NLRP1: variants seen among roughly 807,000 people sequenced by gnomAD.
NLRP1 encodes the protein NLR family pyrin domain containing 1, also known as NACHT, LRR and PYD domains-containing protein 1.
Under a neutral mutation model 136.7 loss-of-function variants are expected in NLRP1, and 94 were observed. The observed-to-expected ratio is 0.69, with a 90% confidence interval of 0.58 to 0.82. The LOEUF is 0.82. Among genes scored for constraint, NLRP1 ranks in the 40% least tolerant of loss-of-function variants. The pLI, the probability that NLRP1 is intolerant of heterozygous loss-of-function variation, is 0.00. For missense variants in NLRP1, 1,575 were observed against 1,802.7 expected (o/e 0.87, Z 2.29); for synonymous variants, 690 against 725.1 (o/e 0.95, Z 0.78).
At chr17:5,507,824 C>T (rs1206004569) in intron 15 of NLRP1, among the ~76,000 whole-genome samples, 1 of 151,876 alleles carries the variant, frequency 6.6e-6, no homozygotes, top group African/African-American at 2.4e-5. Flanking sequence ...AAGCGAGACT[C>T]CGTCTCAAAA....
downstream of NLRP1, among the ~76,000 whole-genome samples, chr17:5,510,560 T>C (rs141508432): frequency 0.055 from 8,341 of 152,172 alleles, 278 homozygotes; most frequent in African/African-American, 0.097. Flanking sequence ...AGTTTCACCA[T>C]GTTGGCCAGG....
At chr17:5,532,413 G>A (rs568290704) in intron 11 of NLRP1, among the ~76,000 whole-genome samples, 115 of 152,242 alleles carry the variant, frequency 7.6e-4, no homozygotes, top group Admixed American at 1.5e-3. Context: ...TGGAAGAAAA[G>A]GTTTTTATTT....
Position 5,533,878 on chromosome 17 carries a change from C to A in NLRP1, c.3052+19G>T, listed in dbSNP as rs527835167. 2 of 1,549,236 alleles carry A rather than the reference C, an allele frequency of 1.3e-6. No individual in the cohort carries two copies. Among genetic ancestry groups the A allele is most frequent in the Admixed American group, 1.7e-5 (1 of 59,220 alleles). On this transcript the variant is annotated intron_variant, in intron 9 of 16. Transcript: ENST00000572272. ...CCAACCCCTGTCACGATGCTCCCAG[C>A]CTTGCCCCTTCAAACTACCTGATCC... is the stretch of plus-strand genomic sequence containing the variant.
In NLRP1 at chr17:5,559,985, C is replaced by T. The variant is rs1298711805; in HGVS notation, c.711G>A (p.Val237=). Reference sequence around the variant, plus strand: ...TGTGCGCCTGTGGGGGCGTTCCTACCACCGCTGCCCATGGGGGCCTGCCTT... The same window carrying T: ...TGTGCGCCTGTGGGGGCGTTCCTACTACCGCTGCCCATGGGGGCCTGCCTT... ...SEKGRPPWAA[V]VGTPPQAHTS... is the part of the protein sequence containing the mutation. The change falls in exon 4 of 17, where the codon GTG becomes GTA. Residue 237 remains valine (V), a synonymous_variant. Transcript: ENST00000572272. 1.9e-6 allele frequency: 3 copies of T among 1,606,578 alleles called. No homozygotes were observed. The highest frequency in any genetic ancestry group is 1.7e-6 in the Non-Finnish European group (2 of 1,176,682).
chr17:5,583,753 G>C lies in NLRP1; in HGVS notation c.205C>G (p.Leu69Val). The change falls in exon 1 of 17, where the codon CTA becomes GTA. Residue 69 changes from leucine to valine, a missense_variant. Coordinates refer to ENST00000572272, the MANE Select transcript of NLRP1 (RefSeq NM_033004.4). This position sits in a 1 kb window ranked among gnomAD's most constrained non-coding sequence, Gnocchi z 4.5. The part of the protein sequence containing the change: ...AQYGEQRAWD[L>V]ALHTWEQMGL... ...ATCTGCTCCCAGGTATGGAGGGCTA[G>C]GTCCCAGGCCCGCTGCTCCCCATAC... is the stretch of plus-strand genomic sequence containing the variant. The C allele has an allele frequency of 6.4e-7, 1 of 1,552,972 alleles. No homozygotes were observed. The highest frequency in any genetic ancestry group is 8.7e-7 in the Non-Finnish European group (1 of 1,147,940).
intron 3 of NLRP1, among the ~76,000 whole-genome samples, chr17:5,561,082 G>A (rs886413055): frequency 3.3e-5 from 5 of 152,280 alleles, no homozygotes; most frequent in South Asian, 4.1e-4. Flanking sequence ...TTGAGGCAGA[G>A]TTTCTCTCTT....
intron 5 of NLRP1, among the ~76,000 whole-genome samples, chr17:5,550,449 T>C (rs35186716): frequency 0.047 from 7,184 of 152,286 alleles, 195 homozygotes; most frequent in Middle Eastern, 0.085. Flanking sequence ...GGAAGTTGGC[T>C]CATTTCATCT....
chr17:5,562,748 C>A (rs1267256821), intron 3 of NLRP1, among the ~76,000 whole-genome samples: 2 of 152,222 alleles, frequency 1.3e-5, no homozygotes, highest in Admixed American at 6.5e-5. Context: ...CACCAGTGCC[C>A]TGCCCCAGCC....
intron 3 of NLRP1, among the ~76,000 whole-genome samples, chr17:5,563,094 A>G (rs1914944147): frequency 6.6e-6 from 1 of 152,180 alleles, no homozygotes; most frequent in African/African-American, 2.4e-5. Flanking sequence ...GCTTCAAACA[A>G]GATAAAAACA....
rs201034105 is a variant in NLRP1, at chr17:5,521,627, C to T, written c.3680G>A (p.Arg1227His). Reference protein sequence around the residue: ...VLLKMIHNALRFIPVTSVVLL... With the variant: ...VLLKMIHNALHFIPVTSVVLL... The stretch of plus-strand genomic sequence containing the variant: ...CACCACAGAGGTGACGGGAATGAAG[C>T]GCAGGGCATTATGGATCATTTTCAG... The change falls in exon 13 of 17, where the codon CGC (arginine) becomes CAC (histidine). Residue 1227 changes from arginine to histidine, a missense_variant. By Grantham distance (29) the Arg-to-His change is conservative. Coordinates refer to ENST00000572272, the MANE Select transcript of NLRP1 (RefSeq NM_033004.4). The T allele has an allele frequency of 4.3e-6, 7 of 1,613,962 alleles. No homozygotes were observed. Among genetic ancestry groups the T allele is most frequent in the Admixed American group, 1.7e-5 (1 of 59,992 alleles).
At chr17:5,557,947 G>C (rs555604265) in intron 4 of NLRP1, among the ~76,000 whole-genome samples, 206 of 152,288 alleles carry the variant, frequency 1.4e-3, no homozygotes, top group African/African-American at 4.8e-3. Context: ...ATTTCTCCGA[G>C]AGAATGAATG....
In NLRP1 at chr17:5,536,883, C is replaced by T; in HGVS notation, c.2928G>A (p.Gln976=). 1 of 1,613,832 alleles carries T rather than the reference C, an allele frequency of 6.2e-7. No individual in the cohort carries two copies. The highest frequency in any genetic ancestry group is 8.5e-7 in the Non-Finnish European group (1 of 1,179,734). The change falls in exon 8 of 17, where the codon CAG becomes CAA. Residue 976 remains glutamine (Q), a synonymous_variant. Transcript: ENST00000572272. ...EMRQELRALE[Q]EKPQLLIFSR... is the part of the protein sequence containing the mutation. ...TGAAGATGAGCAGCTGAGGTTTCTC[C>T]TGCTCCAGGGCCCTCAGTTCCTGCC... is the stretch of plus-strand genomic sequence containing the variant.
downstream of NLRP1, among the ~76,000 whole-genome samples, chr17:5,509,869 A>T (rs535996960): frequency 4.6e-5 from 7 of 152,218 alleles, no homozygotes; most frequent in East Asian, 1.4e-3. Flanking sequence ...CACTTTAAAG[A>T]GAAAGAAAAC....
intron 4 of NLRP1, among the ~76,000 whole-genome samples, chr17:5,558,133 G>A (rs1006515268): frequency 2.6e-5 from 4 of 152,094 alleles, no homozygotes; most frequent in Non-Finnish European, 1.5e-5. Flanking sequence ...AAGCAAGCAG[G>A]GCCTGCCCCA....
chr17:5,556,115 TACAC>T (rs59028107), intron 4 of NLRP1, among the ~76,000 whole-genome samples: 23,201 of 118,770 alleles, frequency 0.2, 2,630 homozygotes, highest in East Asian at 0.54. Context: ...TCTCTCTCTC[TACAC>T]ACACACACAC....
At chr17:5,548,529 T>A (rs1014643819) in intron 5 of NLRP1, among the ~76,000 whole-genome samples, 1 of 152,226 alleles carries the variant, frequency 6.6e-6, no homozygotes. Flanking sequence ...CACACACATT[T>A]ACTCAGCCCA....
chr17:5,517,953 C>T, intron 14 of NLRP1, 66 bp from the exon 15 acceptor site: 1 of 1,551,822 alleles, frequency 6.4e-7, no homozygotes, highest in African/African-American at 1.4e-5. Flanking sequence ...CCCCACCTGA[C>T]ACCTTCTTGG....
intron 5 of NLRP1, among the ~76,000 whole-genome samples, chr17:5,552,616 ATCTTCC>A (rs1913521505): frequency 6.6e-6 from 1 of 152,044 alleles, no homozygotes; most frequent in Admixed American, 6.5e-5. Flanking sequence ...CATCCTTGAT[ATCTTCC>A]TCTTCCTTTT....
At position 5,572,944 on chromosome 17, in the gene NLRP1, T is replaced by C. The variant is rs566366906; in HGVS notation, c.652+8915A>G. 2.2e-4 allele frequency among the ~76,000 whole-genome samples: 33 copies of C among 152,238 alleles called. No individual in the cohort carries two copies. The South Asian group carries it at 6.8e-3, about 32-fold the overall frequency. On this transcript the variant is annotated intron_variant, in intron 3 of 16. Coordinates refer to ENST00000572272, the MANE Select transcript of NLRP1 (RefSeq NM_033004.4). ...TTCCAACTGAGGTACCAGGTTCATC[T>C]CACTGGGGCTTGTCAGACAGTGGGT... is the stretch of plus-strand genomic sequence containing the variant.
Sources: gnomAD v4.1 joint callset for allele counts (sites outside exome capture counted in the v4.1 genomes callset) on GRCh38, gnomAD v4.1.1 for gene constraint, Gnocchi (gnomAD v3.1) non-coding constraint, MANE v1.5 for transcripts, NCBI Gene and HGNC (gene_info 2026-07-23, HGNC 2026-07-21) for gene names.